The following ATXN7L1 variants were observed in gnomAD, a reference collection of about 807,000 sequenced individuals.
ATXN7L1 encodes ataxin 7 like 1.
In ATXN7L1, 15 loss-of-function variants were observed where a neutral mutation model predicts 70.8. The ratio of observed to expected loss-of-function variants is 0.21; its 90% CI spans 0.14 to 0.33. The LOEUF (loss-of-function observed/expected upper bound fraction) is 0.33, where lower values mean the gene tolerates loss of function less well. ATXN7L1 is among the 10% of genes least tolerant of loss of function. The pLI is 1.00. For missense variants in ATXN7L1, 975 were observed against 1,097.1 expected (o/e 0.89, Z 1.57); for synonymous variants, 440 against 445.1 (o/e 0.99, Z 0.14).
intron 2 of ATXN7L1, among the ~76,000 whole-genome samples, chr7:105,838,768 G>A (rs186499420): frequency 8.5e-5 from 13 of 152,218 alleles, no homozygotes; most frequent in African/African-American, 1.9e-4. Flanking sequence ...GAAATGACCC[G>A]AACTCCTGGA....
chr7:105,691,976 G>A (rs996594680), intron 3 of ATXN7L1, among the ~76,000 whole-genome samples: 3 of 152,176 alleles, frequency 2.0e-5, no homozygotes, highest in Non-Finnish European at 4.4e-5. Context: ...TGCCTCGTGC[G>A]GGTGTTTTTG....
chr7:105,605,359 T>C lies in ATXN7L1; in HGVS notation c.*2493A>G, dbSNP rs1239504306. 5.9e-5 allele frequency: 9 copies of C among 151,978 alleles called. No individual in the cohort carries two copies. The highest frequency in any genetic ancestry group is 5.9e-4 in the Admixed American group (9 of 15,238). 9.4% of individuals were successfully genotyped at this position (151,978 alleles called of 1,614,324 possible). On this transcript the variant is annotated 3_prime_UTR_variant, in exon 12 of 12. Transcript: ENST00000419735. Reference sequence around the variant, plus strand: ...AATACATCATTGTAAAGTAAACCTGTGGTTGACTGCCAAGGAAGAATACTG... The same window carrying C: ...AATACATCATTGTAAAGTAAACCTGCGGTTGACTGCCAAGGAAGAATACTG...
chr7:105,733,585 TCCATCCATCCATCCATCCAC>T (rs1796899467), intron 3 of ATXN7L1, among the ~76,000 whole-genome samples: 1 of 111,662 alleles, frequency 9.0e-6, no homozygotes, highest in Non-Finnish European at 1.9e-5. Flanking sequence ...CATCCACCCA[TCCATCCATCCATCCATCCAC>T]CCATCCATCC....
intron 2 of ATXN7L1, among the ~76,000 whole-genome samples, chr7:105,824,953 A>C (rs957360564): frequency 5.3e-5 from 8 of 151,894 alleles, no homozygotes; most frequent in African/African-American, 1.7e-4. Flanking sequence ...TAAAAAAAAC[A>C]AAAAAACCTC....
At chr7:105,733,857 T>C (rs138902860) in intron 3 of ATXN7L1, among the ~76,000 whole-genome samples, 21 of 127,798 alleles carry the variant, frequency 1.6e-4, no homozygotes, top group Non-Finnish European at 2.6e-4. Context: ...CATCCATCCA[T>C]CCATCCATCC....
At chr7:105,747,913 A>C (rs576005770) in intron 3 of ATXN7L1, among the ~76,000 whole-genome samples, 13 of 152,094 alleles carry the variant, frequency 8.5e-5, no homozygotes, top group Non-Finnish European at 1.5e-4. Flanking sequence ...TGAGGTCAGG[A>C]GTTCAAGACC....
rs1793563236 is a variant in ATXN7L1 at position 105,614,509 on chromosome 7, C to T, written c.1825G>A (p.Ala609Thr). 1.3e-6 allele frequency: 2 copies of T among 1,532,870 alleles called. No homozygotes were observed. The highest frequency in any genetic ancestry group is 2.5e-5 in the South Asian group (2 of 80,524). The allele number at this position is 1,532,870 out of a possible 1,614,324, so 95.0% of individuals were successfully genotyped here. ...TTGTGGGATGGGGAAGGGATGACGG[C>T]TGGTATCGGGGACACGGCGGATGGG... ...KAPSAVSPIP[A>T]VIPSPSHKPS... is the part of the protein sequence containing the mutation. Residue 609 changes from alanine (A) to threonine (T), a missense_variant, in exon 10 of 12, where the codon GCC becomes ACC. Around this residue, in one of 5 missense-constraint regions of ATXN7L1, gnomAD observed 635 missense variants for 699.4 expected, o/e 0.91. Transcript: ENST00000419735. This position sits in a 1 kb window ranked among gnomAD's most constrained non-coding sequence, Gnocchi z 4.3.
rs1172675650 is a variant in ATXN7L1, at chr7:105,676,078, T to C, written c.356-10790A>G. 1.3e-5 allele frequency among the ~76,000 whole-genome samples: 2 copies of C among 152,050 alleles called. 1 individual carries two copies. The highest frequency in any genetic ancestry group is 3.9e-4 in the East Asian group (2 of 5,168). ...TCGCTGCCACAGTTGTCACTCTGAG[T>C]GGAGGAGAACGGACGCGGCCCTCAG... On this transcript the variant is annotated intron_variant, in intron 3 of 11. Coordinates refer to ENST00000419735, the MANE Select transcript of ATXN7L1 (RefSeq NM_020725.2).
chr7:105,841,700 G>C (rs528247632), intron 2 of ATXN7L1, among the ~76,000 whole-genome samples: 2 of 152,098 alleles, frequency 1.3e-5, no homozygotes, highest in African/African-American at 4.8e-5. Context: ...AGTGATGCTG[G>C]CATATTGTTA....
chr7:105,720,455 G>A (rs531155567), intron 3 of ATXN7L1, among the ~76,000 whole-genome samples: 43 of 152,270 alleles, frequency 2.8e-4, no homozygotes, highest in African/African-American at 8.7e-4. Flanking sequence ...GTCTTGCTCT[G>A]TTGCTCAGAC....
At chr7:105,653,669 A>G (rs1011700047) in intron 4 of ATXN7L1, among the ~76,000 whole-genome samples, 6 of 152,102 alleles carry the variant, frequency 3.9e-5, no homozygotes, top group African/African-American at 1.4e-4. Context: ...CACCAACGCA[A>G]ATCTGACCAT....
At chr7:105,629,826 A>AT (rs936135490) in intron 7 of ATXN7L1, among the ~76,000 whole-genome samples, 2 of 132,006 alleles carry the variant, frequency 1.5e-5, no homozygotes, top group Non-Finnish European at 3.3e-5. Flanking sequence ...TCTTATTATT[A>AT]TTTTTTTTTG....
chr7:105,840,272 TCACTAACCAGG>T (rs1237067390), intron 2 of ATXN7L1, among the ~76,000 whole-genome samples: 1 of 151,974 alleles, frequency 6.6e-6, no homozygotes, highest in Non-Finnish European at 1.5e-5. Flanking sequence ...GATTGGAGAG[TCACTAACCAGG>T]CACTAACCAG....
chr7:105,607,530 G>A lies in ATXN7L1; in HGVS notation c.*322C>T. The A allele has an allele frequency of 5.6e-6, 2 of 354,964 alleles. No homozygotes were observed. Among genetic ancestry groups the A allele is most frequent in the Non-Finnish European group, 1.0e-5 (2 of 193,384 alleles). The allele number at this position is 354,964 out of a possible 1,614,324, so 22.0% of individuals were successfully genotyped here. On this transcript the variant is annotated 3_prime_UTR_variant, in exon 12 of 12. Transcript: ENST00000419735. ...TGCAATGTCTGCTCTCATGGCTGGA[G>A]CAAAAGGATGGTACAGTAGCAGCAT...
chr7:105,628,936 C>A (rs1020948602), intron 7 of ATXN7L1, among the ~76,000 whole-genome samples: 2 of 28,272 alleles, frequency 7.1e-5, no homozygotes, highest in Admixed American at 1.5e-3. Context: ...TCACAGTTAC[C>A]GGGTTTTTTT....
At position 105,829,020 on chromosome 7, in the gene ATXN7L1, C is replaced by T. The variant is rs79002043; in HGVS notation, c.251-40312G>A. Among the ~76,000 whole-genome samples the T allele has an allele frequency of 7.3e-3, 1,111 of 152,208 alleles. 12 individuals are homozygous for T. Among genetic ancestry groups the T allele is most frequent in the African/African-American group, 0.025 (1,044 of 41,524 alleles). ...AGATAAGCAGTCTTATTTGCTTTTT[C>T]ACTAGGGAAGATAAGCAAATATGTA... On this transcript the variant is annotated intron_variant, in intron 2 of 11. Coordinates refer to ENST00000419735, the MANE Select transcript of ATXN7L1 (RefSeq NM_020725.2).
intron 4 of ATXN7L1, among the ~76,000 whole-genome samples, chr7:105,649,101 C>T (rs1372078889): frequency 6.6e-6 from 1 of 152,228 alleles, no homozygotes; most frequent in Non-Finnish European, 1.5e-5. Flanking sequence ...CATGTGCACA[C>T]TTCCCAAAGT....
At chr7:105,613,518 A>G (rs1793367464) in intron 10 of ATXN7L1, 3 of 1,201,842 alleles carry the variant, frequency 2.5e-6, no homozygotes, top group Admixed American at 3.8e-5. Context: ...GAACCTCAAA[A>G]GATAAAACTG....
chr7:105,624,947 A>C (rs1231663874), intron 7 of ATXN7L1, among the ~76,000 whole-genome samples: 1 of 152,210 alleles, frequency 6.6e-6, no homozygotes, highest in African/African-American at 2.4e-5. Context: ...ATTTGCAGGT[A>C]AGTAAGTTGT....
Sources: allele counts gnomAD v4.1 joint callset (sites outside exome capture counted in the v4.1 genomes callset), GRCh38; gene constraint gnomAD v4.1.1; regional missense constraint gnomAD v4.1.1; non-coding constraint Gnocchi (gnomAD v3.1); transcripts MANE v1.5; gene names NCBI Gene and HGNC (gene_info 2026-07-23, HGNC 2026-07-21).